The following LDLRAD3 variants were observed in gnomAD, a reference collection of about 807,000 sequenced individuals.
LDLRAD3 encodes low density lipoprotein receptor class A domain containing 3.
LDLRAD3 carries 20 observed loss-of-function variants against 29.4 expected under a neutral mutation model. The ratio of observed to expected loss-of-function variants is 0.68; its 90% confidence interval spans 0.48 to 0.99. The LOEUF (loss-of-function observed/expected upper bound fraction) is 0.99, where lower values mean the gene tolerates loss of function less well. Ranked by LOEUF, LDLRAD3 falls within the 50% of genes least tolerant of loss-of-function variation. The probability of loss-of-function intolerance (pLI) is 0.00; values close to 1 mark genes in which losing one functional copy is unlikely to be tolerated. For synonymous variants in LDLRAD3, 157 were observed against 192.7 expected (o/e 0.81, Z 1.53); for missense variants, 420 against 454.3 (o/e 0.92, Z 0.69).
chr11:35,995,806 C>T (rs1056665600), intron 1 of LDLRAD3, among the ~76,000 whole-genome samples: 2 of 152,226 alleles, frequency 1.3e-5, no homozygotes, highest in Non-Finnish European at 2.9e-5. Flanking sequence ...ACAGAGATGG[C>T]TGCCTTCCAC....
intron 1 of LDLRAD3, chr11:35,968,370 G>T: frequency 2.7e-6 from 1 of 370,770 alleles, no homozygotes; most frequent in East Asian, 6.5e-5. Flanking sequence ...GGGCTTTTGG[G>T]AGTAGAGGGG....
intron 4 of LDLRAD3, among the ~76,000 whole-genome samples, chr11:36,103,298 G>A (rs1222623651): frequency 6.1e-5 from 9 of 147,500 alleles, no homozygotes; most frequent in African/African-American, 2.5e-5. Context: ...GTGCAGTGGC[G>A]CGATCTCAGC....
Position 36,056,763 on chromosome 11 carries a change from A to G in LDLRAD3, c.193+20514A>G, listed in dbSNP as rs139512104. On this transcript the variant is annotated intron_variant, in intron 2 of 5. Coordinates refer to ENST00000315571, the MANE Select transcript of LDLRAD3 (RefSeq NM_174902.4). The stretch of plus-strand genomic sequence containing the variant: ...AGATTTCTTTGAGGAACACTTTGCT[A>G]TCTCCTGTTAAAATTAGCAGCAAGC... 1.9e-3 allele frequency among the ~76,000 whole-genome samples: 284 copies of G among 152,298 alleles called. 1 individual carries two copies. Among genetic ancestry groups the G allele is most frequent in the African/African-American group, 6.4e-3 (267 of 41,580 alleles).
chr11:36,160,630 A>G (rs952443856), intron 4 of LDLRAD3, among the ~76,000 whole-genome samples: 2 of 152,110 alleles, frequency 1.3e-5, no homozygotes, highest in Admixed American at 6.6e-5. Context: ...CTTTGAATAA[A>G]ATAATGCTGT....
At chr11:36,015,597 A>G (rs1222701621) in intron 1 of LDLRAD3, among the ~76,000 whole-genome samples, 4 of 152,040 alleles carry the variant, frequency 2.6e-5, no homozygotes, top group Non-Finnish European at 5.9e-5. Flanking sequence ...ACCAGGGCTT[A>G]GCTCAAGAAG....
At chr11:36,207,824 C>T (rs1284284317) in intron 4 of LDLRAD3, among the ~76,000 whole-genome samples, 1 of 152,128 alleles carries the variant, frequency 6.6e-6, no homozygotes, top group African/African-American at 2.4e-5. Flanking sequence ...ACATCTGGAG[C>T]GAGGGCAGAG....
chr11:36,123,071 C>T (rs928649812), intron 4 of LDLRAD3, among the ~76,000 whole-genome samples: 3 of 151,968 alleles, frequency 2.0e-5, no homozygotes, highest in African/African-American at 4.8e-5. Context: ...CCTGTAGTCC[C>T]GACTGCTTGG....
chr11:36,068,788 TTACA>T (rs1852841626), intron 2 of LDLRAD3, among the ~76,000 whole-genome samples: 1 of 152,186 alleles, frequency 6.6e-6, no homozygotes. Context: ...AGTGCTGGGA[TTACA>T]GGCGTGAGCC....
chr11:35,963,491 T>A (rs1055168145), intron 1 of LDLRAD3, among the ~76,000 whole-genome samples: 3 of 152,090 alleles, frequency 2.0e-5, no homozygotes, highest in African/African-American at 7.2e-5. Context: ...GTTTTAGTTA[T>A]TCAGGGAGAC....
chr11:36,106,918 T>C (rs1198378679), intron 4 of LDLRAD3, among the ~76,000 whole-genome samples: 1 of 152,208 alleles, frequency 6.6e-6, no homozygotes, highest in Non-Finnish European at 1.5e-5. Flanking sequence ...GAGACCAGCA[T>C]GGCCTCTTGC....
chr11:35,981,873 T>C (rs538091816), intron 1 of LDLRAD3, among the ~76,000 whole-genome samples: 1 of 152,324 alleles, frequency 6.6e-6, no homozygotes, highest in South Asian at 2.1e-4. Flanking sequence ...TTAGAAAAGC[T>C]GTATTTTCTG....
Position 35,964,811 on chromosome 11 carries a change from A to G in LDLRAD3, c.46+20667A>G, listed in dbSNP as rs1334670401. On this transcript the variant is annotated intron_variant, in intron 1 of 5. Transcript: ENST00000315571. ...AAGACCAGCTTGGGCAACATGGTGAAACCCTGTCTATACAAAAAATACAAA... is the reference window on the plus strand; with the variant it reads ...AAGACCAGCTTGGGCAACATGGTGAGACCCTGTCTATACAAAAAATACAAA... 2.0e-5 allele frequency among the ~76,000 whole-genome samples: 3 copies of G among 152,244 alleles called. No individual in the cohort carries two copies. In the East Asian group the frequency reaches 5.8e-4, roughly 29 times the overall value.
chr11:35,956,074 G>T (rs1023643403), intron 1 of LDLRAD3, among the ~76,000 whole-genome samples: 1 of 152,262 alleles, frequency 6.6e-6, no homozygotes, highest in African/African-American at 2.4e-5. Context: ...GGAGTCTGCT[G>T]GTGGGAATTT....
At chr11:36,184,138 T>C (rs1313829117) in intron 4 of LDLRAD3, 1 of 196,108 alleles carries the variant, frequency 5.1e-6, no homozygotes, top group Non-Finnish European at 1.1e-5. Flanking sequence ...GCTAATTTTG[T>C]ATTTTTAATA....
intron 4 of LDLRAD3, among the ~76,000 whole-genome samples, chr11:36,223,614 A>T (rs1855458955): frequency 6.6e-6 from 1 of 152,144 alleles, no homozygotes; most frequent in Admixed American, 6.5e-5. Context: ...TTGTAGTCCC[A>T]GCCACTGAGA....
intron 3 of LDLRAD3, 44 bp from the exon 4 acceptor site, chr11:36,098,283 A>C (rs888037198): frequency 1.2e-6 from 2 of 1,610,816 alleles, no homozygotes; most frequent in East Asian, 2.2e-5. Flanking sequence ...CCCCAAGGGA[A>C]CTTGCTGGCC....
At chr11:36,061,833 G>A (rs1852705294) in intron 2 of LDLRAD3, among the ~76,000 whole-genome samples, 1 of 152,140 alleles carries the variant, frequency 6.6e-6, no homozygotes, top group South Asian at 2.1e-4. Context: ...TTATAATGTA[G>A]TAGTGAGGAA....
At chr11:36,223,199 G>A (rs1223308431) in intron 4 of LDLRAD3, among the ~76,000 whole-genome samples, 2 of 152,154 alleles carry the variant, frequency 1.3e-5, no homozygotes, top group African/African-American at 2.4e-5. Flanking sequence ...TAATTTCTCA[G>A]GCAAATGTGA....
At chr11:36,116,515 CTG>C (rs1365126927) in intron 4 of LDLRAD3, among the ~76,000 whole-genome samples, 1 of 152,102 alleles carries the variant, frequency 6.6e-6, no homozygotes, top group African/African-American at 2.4e-5. Flanking sequence ...TTCAGAGAAA[CTG>C]TATTACAAAT....
Sources: allele counts gnomAD v4.1 joint callset (sites outside exome capture counted in the v4.1 genomes callset), GRCh38; gene constraint gnomAD v4.1.1; transcripts MANE v1.5; gene names NCBI Gene and HGNC (gene_info 2026-07-23, HGNC 2026-07-21).